MOCOS: variants seen among roughly 807,000 people sequenced by gnomAD.
The protein encoded by MOCOS is molybdenum cofactor sulfurase, also known as human molybdenum cofactor sulfurase.
In MOCOS, 86 loss-of-function variants were observed where a neutral mutation model predicts 83.6. The observed-to-expected ratio is 1.03, with a 90% CI of 0.86 to 1.23. MOCOS has a LOEUF of 1.23. MOCOS is among the 50% of genes most tolerant of loss of function. The pLI, the probability that MOCOS is intolerant of heterozygous loss-of-function variation, is 0.00. For synonymous variants in MOCOS, 445 were observed against 434.7 expected, an observed-to-expected ratio of 1.02 and a Z score of -0.29; for missense variants, 1,120 against 1,126.9, an observed-to-expected ratio of 0.99 and a Z score of 0.09.
intron 13 of MOCOS, among the ~76,000 whole-genome samples, chr18:36,263,307 GT>G (rs1449002762): frequency 6.6e-6 from 1 of 152,190 alleles, no homozygotes; most frequent in Non-Finnish European, 1.5e-5. Flanking sequence ...AGGAAAGACA[GT>G]TATGTGAATT....
chr18:36,240,515 G>T (rs2091577441), intron 9 of MOCOS, among the ~76,000 whole-genome samples: 1 of 150,260 alleles, frequency 6.7e-6, no homozygotes, highest in Non-Finnish European at 1.5e-5. Flanking sequence ...GCTGCGTGCT[G>T]GGAGAACCAC....
rs528320587 is a variant in MOCOS at position 36,248,930 on chromosome 18, C to A, written c.1969C>A (p.Pro657Thr). ...TAACCTTTGTTCATTAGGGATGGAG[C>A]CTATAGAGGTGCCTCTTGAGGAAAA... ...IMVIKAKGME[P>T]IEVPLEENSE... Residue 657 changes from proline (P) to threonine (T), a missense_variant, in exon 10 of 15, where the codon CCT (proline) becomes ACT (threonine). Coordinates refer to ENST00000261326, the MANE Select transcript of MOCOS (RefSeq NM_017947.4). 3 of 1,613,774 alleles carry A rather than the reference C, an allele frequency of 1.9e-6. 1 individual carries two copies. Among genetic ancestry groups the A allele is most frequent in the African/African-American group, 2.7e-5 (2 of 74,988 alleles).
intron 9 of MOCOS, among the ~76,000 whole-genome samples, chr18:36,220,885 C>T (rs1230807647): frequency 1.3e-5 from 2 of 150,644 alleles, no homozygotes; most frequent in Admixed American, 6.6e-5. Context: ...GCCCAGATCG[C>T]ACCACTGCAC....
At chr18:36,189,838 C>G (rs1325353103) in intron 1 of MOCOS, 1 of 152,206 alleles carries the variant, frequency 6.6e-6, no homozygotes, top group Non-Finnish European at 1.5e-5. Flanking sequence ...ACACCTGTGT[C>G]CCGAGCATTG....
At chr18:36,237,875 C>T (rs2091565477) in intron 9 of MOCOS, among the ~76,000 whole-genome samples, 1 of 150,520 alleles carries the variant, frequency 6.6e-6, no homozygotes, top group Non-Finnish European at 1.5e-5. Context: ...GTGTATGTGT[C>T]AAGGAATTTA....
At chr18:36,266,621 G>T in intron 13 of MOCOS, 128 bp from the exon 14 acceptor site, 1 of 760,366 alleles carries the variant, frequency 1.3e-6, no homozygotes. Context: ...AGCAGAGACG[G>T]TGAACAGGTG....
At chr18:36,265,602 T>C (rs1479258605) in intron 13 of MOCOS, among the ~76,000 whole-genome samples, 1 of 152,240 alleles carries the variant, frequency 6.6e-6, no homozygotes, top group Non-Finnish European at 1.5e-5. Flanking sequence ...TCGTTATTGC[T>C]GAGCTGCATG....
chr18:36,199,372 C>A (rs2091402363), intron 3 of MOCOS, among the ~76,000 whole-genome samples: 1 of 152,178 alleles, frequency 6.6e-6, no homozygotes. Context: ...CTACTTAAAC[C>A]TTGTTATGTT....
rs796633159 is a variant in MOCOS at position 36,193,906 on chromosome 18, AGAT to A, written c.143-1348_143-1346del. Among the ~76,000 whole-genome samples, 297 of 152,378 alleles carry A rather than the reference AGAT, an allele frequency of 1.9e-3. 1 individual carries two copies. Among genetic ancestry groups the A allele is most frequent in the African/African-American group, 6.9e-3 (289 of 41,592 alleles). On this transcript the variant is annotated intron_variant, in intron 1 of 14. Transcript: ENST00000261326. ...GGAAACAATCCAAATATTCCTCAGT[AGAT>A]GAATGGATAAAATGTGGTATATTCA...
intron 9 of MOCOS, among the ~76,000 whole-genome samples, chr18:36,223,179 GA>G (rs912719800): frequency 6.6e-6 from 1 of 152,160 alleles, no homozygotes; most frequent in African/African-American, 2.4e-5. Flanking sequence ...CCAATGTCAT[GA>G]AGTTTTTCCC....
chr18:36,267,044 CT>C (rs35874544), intron 14 of MOCOS, among the ~76,000 whole-genome samples, 191 bp downstream of exon 14: 193 of 151,848 alleles, frequency 1.3e-3, no homozygotes, highest in African/African-American at 4.5e-3. Flanking sequence ...CAAGTTCTCA[CT>C]TTTTTTTGTT....
At chr18:36,246,119 T>G (rs1177467938) in intron 9 of MOCOS, among the ~76,000 whole-genome samples, 1 of 152,248 alleles carries the variant, frequency 6.6e-6, no homozygotes, top group Non-Finnish European at 1.5e-5. Context: ...GAATTCTTTT[T>G]CTGGCAATTC....
chr18:36,223,097 T>G (rs940782459), intron 9 of MOCOS, among the ~76,000 whole-genome samples: 6 of 152,242 alleles, frequency 3.9e-5, no homozygotes, highest in Admixed American at 3.9e-4. Context: ...TAGTTGGATA[T>G]AGTCCCATTT....
chr18:36,199,100 C>T (rs928832730), intron 3 of MOCOS, among the ~76,000 whole-genome samples: 3 of 152,118 alleles, frequency 2.0e-5, no homozygotes, highest in African/African-American at 7.2e-5. Context: ...TCTGGTTTTC[C>T]TTTTCATAAG....
intron 9 of MOCOS, among the ~76,000 whole-genome samples, chr18:36,237,019 A>C (rs1259917620): frequency 6.6e-6 from 1 of 151,260 alleles, no homozygotes; most frequent in Admixed American, 6.6e-5. Context: ...TTATGAGCTT[A>C]AGGAGATTTT....
chr18:36,239,252 T>A (rs1313423174), intron 9 of MOCOS, among the ~76,000 whole-genome samples: 1 of 152,160 alleles, frequency 6.6e-6, no homozygotes, highest in Non-Finnish European at 1.5e-5. Context: ...CATTTTGGCA[T>A]GATTTTGCAG....
At chr18:36,191,332 A>G in intron 1 of MOCOS, among the ~76,000 whole-genome samples, 1 of 152,224 alleles carries the variant, frequency 6.6e-6, no homozygotes, top group Non-Finnish European at 1.5e-5. Flanking sequence ...AGGGTGAAGA[A>G]TCACCAGGGA....
intron 9 of MOCOS, among the ~76,000 whole-genome samples, chr18:36,220,738 T>A (rs759685012): frequency 1.3e-5 from 2 of 151,904 alleles, no homozygotes; most frequent in Non-Finnish European, 2.9e-5. Context: ...CTGGCCAACA[T>A]GACGAAACCC....
intron 1 of MOCOS, among the ~76,000 whole-genome samples, chr18:36,188,919 T>A (rs1361004679): frequency 1.3e-3 from 1 of 764 alleles, no homozygotes; most frequent in Non-Finnish European, 2.9e-3. Context: ...TTTCGTATTC[T>A]CTCTCTCTCT....
Sources: gnomAD v4.1 joint callset for allele counts (sites outside exome capture counted in the v4.1 genomes callset) on GRCh38, gnomAD v4.1.1 for gene constraint, MANE v1.5 for transcripts, NCBI Gene and HGNC (gene_info 2026-07-23, HGNC 2026-07-21) for gene names.